Variants in KAZN observed in about 807,000 individuals in gnomAD.
The protein encoded by KAZN is kazrin, periplakin interacting protein.
In KAZN, 40 loss-of-function variants were observed where a neutral mutation model predicts 87.4. The ratio of observed to expected loss-of-function variants is 0.46; its 90% CI spans 0.36 to 0.60. The LOEUF is 0.60. KAZN is among the 20% of genes least tolerant of loss of function. The pLI is 0.00. For missense variants in KAZN, 898 were observed against 1,073.9 expected, an observed-to-expected ratio of 0.84 and a Z score of 2.29; for synonymous variants, 466 against 458.3, an observed-to-expected ratio of 1.02 and a Z score of -0.22.
At chr1:14,004,241 G>A (rs1020478912) in intron 1 of KAZN, among the ~76,000 whole-genome samples, 1 of 152,056 alleles carries the variant, frequency 6.6e-6, no homozygotes, top group Non-Finnish European at 1.5e-5. Flanking sequence ...AGAAAAATGT[G>A]GCACAACCAA....
At chr1:14,147,804 AAAC>A (rs1645385648) in intron 1 of KAZN, among the ~76,000 whole-genome samples, 1 of 151,616 alleles carries the variant, frequency 6.6e-6, no homozygotes, top group Non-Finnish European at 1.5e-5. Context: ...CAAAAAAAAA[AAAC>A]AACAAAAAAA....
intron 5 of KAZN, among the ~76,000 whole-genome samples, chr1:15,058,740 G>A (rs375230757): frequency 3.3e-5 from 5 of 152,194 alleles, no homozygotes; most frequent in Non-Finnish European, 5.9e-5. Flanking sequence ...TAACAAGCAG[G>A]CCAGATGCAG....
rs897722775 is a variant in KAZN, at chr1:14,996,397, C to A, written c.418+35522C>A. Among the ~76,000 whole-genome samples, 1 of 152,192 alleles carries A rather than the reference C, an allele frequency of 6.6e-6. No individual in the cohort carries two copies. The highest frequency in any genetic ancestry group is 1.5e-5 in the Non-Finnish European group (1 of 68,022). ...TGGCTGTCCCGGCACATCATGGGGG[C>A]CTCAGAGGCAGGGACTGTGACTTAG... On this transcript the variant is annotated intron_variant, in intron 2 of 14. Coordinates refer to ENST00000376030, the MANE Select transcript of KAZN (RefSeq NM_201628.3). This position sits in a 1 kb window ranked among gnomAD's most constrained non-coding sequence, Gnocchi z 5.9.
intron 3 of KAZN, among the ~76,000 whole-genome samples, 180 bp from the exon 4 acceptor site, chr1:15,043,809 A>AT (rs1673173547): frequency 1.3e-5 from 2 of 151,626 alleles, no homozygotes; most frequent in African/African-American, 2.4e-5. Context: ...TGCCTGGCTA[A>AT]TTTTTTTGTG....
intron 2 of KAZN, among the ~76,000 whole-genome samples, chr1:14,377,195 A>G (rs1038578927): frequency 2.0e-5 from 3 of 152,234 alleles, no homozygotes; most frequent in Non-Finnish European, 2.9e-5. Flanking sequence ...TAGACATTAC[A>G]AAATAACATG....
chr1:14,758,126 C>G (rs1010747608), intron 1 of KAZN, among the ~76,000 whole-genome samples: 1 of 31,882 alleles, frequency 3.1e-5, no homozygotes, highest in African/African-American at 2.3e-4. Flanking sequence ...TTTGTTTTTT[C>G]TCTCTTTCCT....
At chr1:14,236,762 C>T (rs1186221741) in intron 2 of KAZN, among the ~76,000 whole-genome samples, 2 of 151,914 alleles carry the variant, frequency 1.3e-5, no homozygotes, top group Non-Finnish European at 2.9e-5. Context: ...TATTAAAAAA[C>T]AACAACAACA....
chr1:14,293,979 T>A (rs1461018475), intron 2 of KAZN, among the ~76,000 whole-genome samples: 1 of 152,204 alleles, frequency 6.6e-6, no homozygotes, highest in East Asian at 1.9e-4. Flanking sequence ...ATACTCACTC[T>A]GCCTGATAGG....
intron 2 of KAZN, among the ~76,000 whole-genome samples, chr1:14,987,975 G>C (rs1182760094): frequency 1.3e-5 from 2 of 152,174 alleles, no homozygotes; most frequent in Admixed American, 6.5e-5. Flanking sequence ...AGTTGGGCTT[G>C]AGCACCAGGT....
chr1:14,453,075 C>A (rs185416435), intron 2 of KAZN, among the ~76,000 whole-genome samples: 33 of 152,256 alleles, frequency 2.2e-4, no homozygotes, highest in Admixed American at 2.2e-3. Context: ...TCTGCCTCAG[C>A]CTCCCAAGTA....
At chr1:14,828,833 T>G (rs1276253861) in intron 1 of KAZN, among the ~76,000 whole-genome samples, 1 of 152,176 alleles carries the variant, frequency 6.6e-6, no homozygotes, top group Non-Finnish European at 1.5e-5. Flanking sequence ...TACTTCATGG[T>G]CACAAGATGG....
intron 2 of KAZN, among the ~76,000 whole-genome samples, chr1:14,196,836 G>A (rs1353776829): frequency 6.6e-6 from 1 of 152,044 alleles, no homozygotes; most frequent in Non-Finnish European, 1.5e-5. Flanking sequence ...CCAAAAGCTG[G>A]GAAGGCGAGG....
chr1:15,058,625 G>T (rs1638511050), intron 5 of KAZN, among the ~76,000 whole-genome samples: 1 of 152,192 alleles, frequency 6.6e-6, no homozygotes, highest in South Asian at 2.1e-4. Context: ...TATGTGCCAG[G>T]CACCATGAGC....
chr1:14,429,785 C>T (rs1040924722), intron 2 of KAZN, among the ~76,000 whole-genome samples: 5 of 152,224 alleles, frequency 3.3e-5, no homozygotes, highest in East Asian at 1.9e-4. Context: ...GTCATCATCC[C>T]GACGTCATCG....
chr1:14,118,906 C>A (rs774716367), intron 1 of KAZN, among the ~76,000 whole-genome samples: 2 of 152,112 alleles, frequency 1.3e-5, no homozygotes, highest in African/African-American at 2.4e-5. Flanking sequence ...TAAAAGAATG[C>A]GACAGATTGG....
chr1:14,429,385 G>A (rs560408490), intron 2 of KAZN, among the ~76,000 whole-genome samples: 2 of 152,254 alleles, frequency 1.3e-5, no homozygotes, highest in South Asian at 2.1e-4. Context: ...TCAGTCTTTT[G>A]AGTCAGTTGA....
At position 15,012,425 on chromosome 1, in the gene KAZN, G is replaced by T. The variant is rs138451888; in HGVS notation, c.419-22324G>T. ...CTCCCATGGTGAGTAAGGATGGGGG[G>T]TTGGAGAACAGTTGGTACCTCACCG... is the stretch of plus-strand genomic sequence containing the variant. On this transcript the variant is annotated intron_variant, in intron 2 of 14. Transcript: ENST00000376030. Among the ~76,000 whole-genome samples the T allele has an allele frequency of 3.9e-3, 588 of 152,266 alleles. 2 individuals are homozygous for T. Among genetic ancestry groups the T allele is most frequent in the Middle Eastern group, 0.02 (6 of 294 alleles).
chr1:14,544,282 A>G (rs1055363919), intron 2 of KAZN, among the ~76,000 whole-genome samples: 1 of 148,152 alleles, frequency 6.7e-6, no homozygotes, highest in African/African-American at 2.5e-5. Context: ...AAGAACTGAC[A>G]TGCAGACAAA....
intron 1 of KAZN, among the ~76,000 whole-genome samples, chr1:14,746,546 G>C (rs1049055028): frequency 1.3e-5 from 2 of 152,082 alleles, no homozygotes; most frequent in African/African-American, 4.8e-5. Flanking sequence ...CAGATGATCC[G>C]GGAAGGCTTC....
Sources: allele counts gnomAD v4.1 joint callset (sites outside exome capture counted in the v4.1 genomes callset), GRCh38; gene constraint gnomAD v4.1.1; non-coding constraint Gnocchi (gnomAD v3.1); transcripts MANE v1.5; gene names NCBI Gene and HGNC (gene_info 2026-07-23, HGNC 2026-07-21).